Variants in HSFY1 observed in about 807,000 individuals in gnomAD.
The protein encoded by HSFY1 is heat shock transcription factor Y-linked 1, also known as heat shock transcription factor, Y-linked.
chrY:18,561,314 G>A, intron 1 of HSFY1, among the ~76,000 whole-genome samples: 1 of 26,813 alleles, frequency 3.7e-5, no homozygotes, highest in Non-Finnish European at 8.5e-5. Context: ...TTTAAAATTG[G>A]GAGAAGCTGT....
At chrY:18,534,224 G>A in the HSFY1 span, among the ~76,000 whole-genome samples, 1 of 23,577 alleles carries the variant, frequency 4.2e-5, no homozygotes, top group African/African-American at 1.8e-4. Context: ...GAACTAAGGC[G>A]ACAGTAAGGG....
downstream of HSFY1, among the ~76,000 whole-genome samples, chrY:18,550,401 TACACACACAC>T: frequency 1.9e-4 from 1 of 5,244 alleles, no homozygotes; most frequent in South Asian, 5.0e-3. Context: ...TGTGTGTATA[TACACACACAC>T]ACACACACAC....
chrY:18,550,399 TATAC>T (rs2044515334), downstream of HSFY1, among the ~76,000 whole-genome samples: 48 of 2,835 alleles, frequency 0.017, no homozygotes, highest in African/African-American at 0.072. Flanking sequence ...TGTGTGTGTA[TATAC>T]ACACACACAC....
At chrY:18,561,380 G>A in intron 1 of HSFY1, among the ~76,000 whole-genome samples, 9 of 24,051 alleles carry the variant, frequency 3.7e-4, no homozygotes, top group Non-Finnish European at 8.2e-4. Flanking sequence ...CCTGTTGCAT[G>A]ACAGATTTAA....
At chrY:18,534,262 G>A in the HSFY1 span, among the ~76,000 whole-genome samples, 1 of 28,509 alleles carries the variant, frequency 3.5e-5, no homozygotes, top group East Asian at 8.7e-4. Flanking sequence ...GTGTATTAGC[G>A]TTAGGGTTTG....
chrY:18,550,401 TACACACACACAC>T (rs796809861), downstream of HSFY1, among the ~76,000 whole-genome samples: 1 of 5,227 alleles, frequency 1.9e-4, no homozygotes, highest in Non-Finnish European at 7.0e-4. Flanking sequence ...TGTGTGTATA[TACACACACACAC>T]ACACACACAC....
chrY:18,561,296 G>T (rs2044515886), intron 1 of HSFY1, among the ~76,000 whole-genome samples: 1 of 27,512 alleles, frequency 3.6e-5, no homozygotes, highest in African/African-American at 1.4e-4. Context: ...CCTATTTGGG[G>T]TGTTTTTTTT....
the HSFY1 span, among the ~76,000 whole-genome samples, chrY:18,534,166 G>T: frequency 9.8e-5 from 1 of 10,187 alleles, no homozygotes; most frequent in African/African-American, 4.2e-4. Context: ...GGAGGGTTAG[G>T]TTCTGGGTTA....
At chrY:18,561,338 C>T in intron 1 of HSFY1, among the ~76,000 whole-genome samples, 3 of 25,429 alleles carry the variant, frequency 1.2e-4, no homozygotes, top group Non-Finnish European at 1.7e-4. Context: ...CTGTGTAGGA[C>T]GGCTATTTCA....
chrY:18,550,401 TAC>T (rs796809861), downstream of HSFY1, among the ~76,000 whole-genome samples: 373 of 5,146 alleles, frequency 0.072, no homozygotes, highest in East Asian at 0.8. Flanking sequence ...TGTGTGTATA[TAC>T]ACACACACAC....
chrY:18,531,588 T>C, the HSFY1 span, among the ~76,000 whole-genome samples: 1 of 1,572 alleles, frequency 6.4e-4, no homozygotes, highest in African/African-American at 1.3e-3. Context: ...TTTGCCTGCA[T>C]TGGCCTCCAA....
the HSFY1 span, among the ~76,000 whole-genome samples, chrY:18,538,581 T>TA: frequency 2.1e-4 from 2 of 9,484 alleles, no homozygotes; most frequent in Non-Finnish European, 3.3e-4. Flanking sequence ...TCTCAGGAGT[T>TA]AAAAAAAAAA....
intron 1 of HSFY1, among the ~76,000 whole-genome samples, chrY:18,561,293 G>A: frequency 3.7e-5 from 1 of 26,834 alleles, no homozygotes; most frequent in East Asian, 9.4e-4. Context: ...ACGCCTATTT[G>A]GGGTGTTTTT....
At chrY:18,534,361 G>T in the HSFY1 span, among the ~76,000 whole-genome samples, 2 of 14,581 alleles carry the variant, frequency 1.4e-4, no homozygotes, top group Non-Finnish European at 3.0e-4. Flanking sequence ...TAGCATTAGG[G>T]TTAGTGTTTA....
intron 1 of HSFY1, among the ~76,000 whole-genome samples, chrY:18,561,198 A>C: frequency 5.6e-5 from 1 of 17,787 alleles, no homozygotes; most frequent in Admixed American, 6.3e-4. Context: ...GGAAGGAAGC[A>C]TACCTTTATC....
chrY:18,534,340 G>A, the HSFY1 span, among the ~76,000 whole-genome samples: 1 of 19,931 alleles, frequency 5.0e-5, no homozygotes, highest in Non-Finnish European at 1.1e-4. Context: ...GTCCTGGTTA[G>A]GGTTTCAGGT....
Sources: gnomAD v4.1 joint callset for allele counts (sites outside exome capture counted in the v4.1 genomes callset) on GRCh38, gnomAD v4.1.1 for gene constraint, MANE v1.5 for transcripts, NCBI Gene and HGNC (gene_info 2026-07-23, HGNC 2026-07-21) for gene names.